ACYP2: variants seen among roughly 807,000 people sequenced by gnomAD.
The protein encoded by ACYP2 is acylphosphatase 2, also known as acylphosphatase-2.
In ACYP2, 12 loss-of-function variants were observed where a neutral mutation model predicts 11.2. The observed-to-expected ratio is 1.08, with a 90% CI of 0.69 to 1.74. The LOEUF (loss-of-function observed/expected upper bound fraction) is 1.74. Ranked by LOEUF, ACYP2 falls within the 40% of genes most tolerant of loss-of-function variation. The pLI is 0.00. For synonymous variants in ACYP2, 43 were observed against 32.2 expected (o/e 1.33, Z -1.13); for missense variants, 134 against 101.9 (o/e 1.31, Z -1.35).
intron 6 of ACYP2, among the ~76,000 whole-genome samples, chr2:54,145,926 A>T (rs1681861676): frequency 6.6e-6 from 1 of 152,012 alleles, no homozygotes. Flanking sequence ...CACAACTGTC[A>T]CTCTGGTGTT....
At chr2:54,210,665 A>C (rs900023738) in intron 6 of ACYP2, among the ~76,000 whole-genome samples, 3 of 152,184 alleles carry the variant, frequency 2.0e-5, no homozygotes, top group Admixed American at 6.5e-5. Context: ...AGTACTTATG[A>C]GTATTGTTTA....
chr2:54,231,395 A>T (rs191813859), intron 6 of ACYP2, among the ~76,000 whole-genome samples: 1 of 152,352 alleles, frequency 6.6e-6, no homozygotes. Flanking sequence ...GCATCCAAGA[A>T]ATGCAGTATC....
intron 6 of ACYP2, among the ~76,000 whole-genome samples, chr2:54,202,355 C>A (rs145019107): frequency 0.017 from 2,634 of 151,098 alleles, 74 homozygotes; most frequent in African/African-American, 0.059. Context: ...GATCTACCTG[C>A]CTCGGCCTCC....
intron 6 of ACYP2, among the ~76,000 whole-genome samples, chr2:54,143,741 T>TG (rs1681735790): frequency 1.7e-5 from 2 of 117,880 alleles, no homozygotes; most frequent in Non-Finnish European, 3.4e-5. Context: ...CGGTTTTTTT[T>TG]TTTTTTTTTT....
At chr2:54,175,489 A>G (rs575612711) in intron 6 of ACYP2, among the ~76,000 whole-genome samples, 1 of 151,210 alleles carries the variant, frequency 6.6e-6, no homozygotes, top group Non-Finnish European at 1.5e-5. Flanking sequence ...AAGCTCCTGG[A>G]TTCATTGATT....
At chr2:54,002,884 G>A (rs1043078062) in intron 2 of ACYP2, among the ~76,000 whole-genome samples, 1 of 142,608 alleles carries the variant, frequency 7.0e-6, no homozygotes, top group Non-Finnish European at 1.5e-5. Flanking sequence ...CTCACCTCAG[G>A]TGATCCGCCC....
chr2:54,215,101 G>C (rs900143852), intron 6 of ACYP2, among the ~76,000 whole-genome samples: 15 of 152,116 alleles, frequency 9.9e-5, no homozygotes, highest in Non-Finnish European at 2.9e-5. Flanking sequence ...TATTGATTTT[G>C]TATCCTGAAA....
At chr2:54,303,207 C>G (rs1309562490) in intron 6 of ACYP2, among the ~76,000 whole-genome samples, 2 of 151,986 alleles carry the variant, frequency 1.3e-5, no homozygotes, top group Non-Finnish European at 2.9e-5. Flanking sequence ...AAAAATTAGC[C>G]AGGTGTGATG....
At chr2:54,177,394 A>T (rs1353401831) in intron 6 of ACYP2, among the ~76,000 whole-genome samples, 1 of 152,088 alleles carries the variant, frequency 6.6e-6, no homozygotes, top group Non-Finnish European at 1.5e-5. Context: ...GCTGGTAGTT[A>T]CTTCCTCTGG....
chr2:54,105,602 G>T (rs1679114091), intron 4 of ACYP2, among the ~76,000 whole-genome samples: 1 of 151,934 alleles, frequency 6.6e-6, no homozygotes, highest in Non-Finnish European at 1.5e-5. Flanking sequence ...AAGTAGCTGG[G>T]ACTACAGGTG....
intron 6 of ACYP2, among the ~76,000 whole-genome samples, chr2:54,231,266 ACTCATATTTGG>A (rs1166235620): frequency 6.6e-6 from 1 of 152,186 alleles, no homozygotes; most frequent in Non-Finnish European, 1.5e-5. Context: ...GGCTGTGGTC[ACTCATATTTGG>A]CTCAGAATAA....
intron 2 of ACYP2, among the ~76,000 whole-genome samples, chr2:53,996,947 A>T (rs1672601496): frequency 6.6e-6 from 1 of 152,186 alleles, no homozygotes; most frequent in Admixed American, 6.5e-5. Context: ...GTACAAAATA[A>T]AGCCCAGACT....
At chr2:54,026,857 A>G (rs1230921682) in intron 2 of ACYP2, among the ~76,000 whole-genome samples, 2 of 151,964 alleles carry the variant, frequency 1.3e-5, no homozygotes. Context: ...GCTAAGTTAT[A>G]AGGATGCAAA....
chr2:54,062,098 A>G (rs940320746), intron 4 of ACYP2, among the ~76,000 whole-genome samples: 13 of 152,188 alleles, frequency 8.5e-5, no homozygotes, highest in African/African-American at 2.9e-4. Flanking sequence ...ATTGTTATTA[A>G]AAGGGGGCAT....
intron 6 of ACYP2, among the ~76,000 whole-genome samples, chr2:54,240,925 CGAG>C (rs1384409013): frequency 1.3e-5 from 2 of 152,144 alleles, no homozygotes; most frequent in Non-Finnish European, 2.9e-5. Context: ...ACATTTAGGC[CGAG>C]GAGATGAATG....
intron 4 of ACYP2, among the ~76,000 whole-genome samples, chr2:54,101,714 C>T (rs748575559): frequency 6.7e-6 from 1 of 149,362 alleles, no homozygotes; most frequent in Non-Finnish European, 1.5e-5. Context: ...TGTGTGTAAT[C>T]TATCTTTCCT....
At chr2:54,075,519 G>GA (rs773595418) in intron 4 of ACYP2, among the ~76,000 whole-genome samples, 6 of 102,052 alleles carry the variant, frequency 5.9e-5, no homozygotes, top group Non-Finnish European at 8.6e-5. Flanking sequence ...AAAAAAGAAA[G>GA]AAAAAAAAAA....
intron 2 of ACYP2, among the ~76,000 whole-genome samples, chr2:53,985,902 G>A (rs1230813241): frequency 4.6e-5 from 7 of 152,128 alleles, no homozygotes; most frequent in African/African-American, 1.2e-4. Flanking sequence ...TCAGGAAGCC[G>A]AGGTGGGAGG....
intron 4 of ACYP2, among the ~76,000 whole-genome samples, chr2:54,122,708 A>G (rs559932965): frequency 1.3e-5 from 2 of 152,334 alleles, no homozygotes; most frequent in Admixed American, 1.3e-4. Flanking sequence ...GATTCTGGGA[A>G]AATTCCTGGT....
Sources: allele counts gnomAD v4.1 joint callset (sites outside exome capture counted in the v4.1 genomes callset), GRCh38; gene constraint gnomAD v4.1.1; transcripts MANE v1.5; gene names NCBI Gene and HGNC (gene_info 2026-07-23, HGNC 2026-07-21).